CHAF1A: variants seen among roughly 807,000 people sequenced by gnomAD.
The protein encoded by CHAF1A is chromatin assembly factor 1 subunit A.
Under a neutral mutation model 93.2 loss-of-function variants are expected in CHAF1A, and 5 were observed. The observed-to-expected ratio is 0.05, with a 90% confidence interval of 0.03 to 0.11. The LOEUF is 0.11. CHAF1A is among the 10% of genes least tolerant of loss of function. The pLI, the probability that CHAF1A is intolerant of heterozygous loss-of-function variation, is 1.00. For missense variants in CHAF1A, 1,102 were observed against 1,259.9 expected, an observed-to-expected ratio of 0.87 and a Z score of 1.90; for synonymous variants, 504 against 510.3, an observed-to-expected ratio of 0.99 and a Z score of 0.17.
chr19:4,414,697 T>C (rs935476031), intron 3 of CHAF1A, among the ~76,000 whole-genome samples: 4 of 152,200 alleles, frequency 2.6e-5, no homozygotes, highest in African/African-American at 7.2e-5. Flanking sequence ...GTTACAGAGC[T>C]GTTTTCTCAG....
At chr19:4,448,460 C>A (rs1055614591), downstream of CHAF1A, 6 of 1,499,308 alleles carry the variant, frequency 4.0e-6, no homozygotes, top group Non-Finnish European at 5.5e-6. Flanking sequence ...AGAGCCCGGG[C>A]CGCACGGCCC....
chr19:4,412,873 G>A lies in CHAF1A; in HGVS notation c.960+3114G>A, dbSNP rs182863764. On this transcript the variant is annotated intron_variant, in intron 3 of 14. Coordinates refer to ENST00000301280, the MANE Select transcript of CHAF1A (RefSeq NM_005483.3). ...TGGCAGAAAGCGGCCACAACCACCC[G>A]CAGAGGGCCTGTCAGTCACCGAAGC... Among the ~76,000 whole-genome samples, 24 of 152,312 alleles carry A rather than the reference G, an allele frequency of 1.6e-4. 1 individual carries two copies. In the East Asian group the frequency reaches 2.1e-3, roughly 13 times the overall value.
downstream of CHAF1A, chr19:4,446,989 T>G (rs555755881): frequency 3.1e-5 from 46 of 1,496,638 alleles, no homozygotes; most frequent in South Asian, 5.1e-4. Flanking sequence ...CCCCACCCAG[T>G]CCAGGGGCCC....
chr19:4,433,291 G>A lies in CHAF1A; in HGVS notation c.2425G>A (p.Glu809Lys). 7 of 1,614,216 alleles carry A rather than the reference G, an allele frequency of 4.3e-6. No homozygotes were observed. Among genetic ancestry groups the A allele is most frequent in the South Asian group, 1.1e-5 (1 of 91,086 alleles). Reference protein sequence around the residue: ...KRLISENSVYEKRPDFRMCWY... With the variant: ...KRLISENSVYKKRPDFRMCWY... The stretch of plus-strand genomic sequence containing the variant: ...GCTCATTTCCGAGAACTCAGTGTAT[G>A]AGAAGCGGCCTGACTTCAGGATGTG... Residue 809 changes from glutamate (E) to lysine (K), a missense_variant, in exon 13 of 15, where the codon GAG (glutamate) becomes AAG (lysine). By Grantham distance (56) the Glu-to-Lys change is moderately conservative. Transcript: ENST00000301280. This position sits in a 1 kb window ranked among gnomAD's most constrained non-coding sequence, Gnocchi z 5.6.
downstream of CHAF1A, chr19:4,448,531 C>T: frequency 1.3e-6 from 1 of 797,040 alleles, no homozygotes; most frequent in South Asian, 1.6e-5. Flanking sequence ...GGAGCGGCCC[C>T]AGCTGTGCGC....
chr19:4,447,100 T>C, downstream of CHAF1A: 1 of 629,236 alleles, frequency 1.6e-6, no homozygotes, highest in Non-Finnish European at 2.8e-6. Context: ...GTGGGGGCTG[T>C]GGAGTCTCCA....
chr19:4,423,728 G>T, intron 6 of CHAF1A, 78 bp from the exon 7 acceptor site: 1 of 1,389,020 alleles, frequency 7.2e-7, no homozygotes. Flanking sequence ...GTTCGGTTCT[G>T]GGGGCCTTTG....
chr19:4,446,684 T>G (rs1213584931), downstream of CHAF1A: 20 of 1,611,236 alleles, frequency 1.2e-5, no homozygotes, highest in Non-Finnish European at 1.7e-5. Flanking sequence ...TGGGCCAAGG[T>G]GGTCTCGCTC....
chr19:4,444,701 A>C (rs192516175), downstream of CHAF1A: 121 of 152,550 alleles, frequency 7.9e-4, no homozygotes, highest in Non-Finnish European at 1.5e-3. Context: ...TGCAGGTTCC[A>C]GGAATAGGAT....
At chr19:4,428,982 C>A in intron 8 of CHAF1A, 92 bp downstream of exon 8, 1 of 1,022,020 alleles carries the variant, frequency 9.8e-7, no homozygotes, top group Non-Finnish European at 1.5e-6. Context: ...AGCTCTGGGT[C>A]CTTCTGTTGC....
intron 3 of CHAF1A, among the ~76,000 whole-genome samples, chr19:4,412,474 G>A (rs145350224): frequency 1.2e-3 from 179 of 152,308 alleles, no homozygotes; most frequent in Non-Finnish European, 2.0e-3. Context: ...AACCCAGGAG[G>A]CAGAGGTTGC....
chr19:4,428,039 G>C (rs934055619), intron 7 of CHAF1A, among the ~76,000 whole-genome samples: 1 of 141,978 alleles, frequency 7.0e-6, no homozygotes, highest in Non-Finnish European at 1.5e-5. Flanking sequence ...TTTGTTTTTA[G>C]TAGAGATGGG....
At chr19:4,408,448 T>A (rs1433452428) in intron 2 of CHAF1A, among the ~76,000 whole-genome samples, 1 of 127,308 alleles carries the variant, frequency 7.9e-6, no homozygotes, top group Non-Finnish European at 1.6e-5. Flanking sequence ...TGCCTTGGCC[T>A]CCCGCACCCG....
chr19:4,441,897 CA>C (rs910832960), intron 13 of CHAF1A, among the ~76,000 whole-genome samples: 11 of 150,144 alleles, frequency 7.3e-5, no homozygotes, highest in Admixed American at 7.3e-4. Flanking sequence ...GACTCCGTCT[CA>C]AAAAAAAATA....
intron 4 of CHAF1A, among the ~76,000 whole-genome samples, chr19:4,418,681 C>T (rs1168959074): frequency 6.6e-6 from 1 of 152,138 alleles, no homozygotes; most frequent in East Asian, 1.9e-4. Flanking sequence ...TCCCAGAGTG[C>T]TGGGATTACA....
chr19:4,424,136 AAG>A (rs1974039186), intron 7 of CHAF1A, among the ~76,000 whole-genome samples: 1 of 152,214 alleles, frequency 6.6e-6, no homozygotes, highest in African/African-American at 2.4e-5. Flanking sequence ...TGTTAGGCGT[AAG>A]AGAAATTCAC....
chr19:4,428,038 A>G (rs938547090), intron 7 of CHAF1A, among the ~76,000 whole-genome samples: 1 of 124,434 alleles, frequency 8.0e-6, no homozygotes, highest in Non-Finnish European at 1.7e-5. Flanking sequence ...TTTTGTTTTT[A>G]GTAGAGATGG....
In CHAF1A at chr19:4,443,394, C is replaced by T. The variant is rs1417538215; in HGVS notation, c.*369C>T. On this transcript the variant is annotated 3_prime_UTR_variant, in exon 15 of 15. Transcript: ENST00000301280. ...CAGTGTATAAACTTATTCTCTAGCC[C>T]TGAGCTGCTCTGTCTGTCTTTTCCG... 4.3e-6 allele frequency: 1 copy of T among 230,560 alleles called. No individual in the cohort carries two copies. Among genetic ancestry groups the T allele is most frequent in the Non-Finnish European group, 8.6e-6 (1 of 116,120 alleles). 14.3% of individuals were successfully genotyped at this position (230,560 alleles called of 1,614,324 possible).
At chr19:4,435,784 G>A (rs1431043777) in intron 13 of CHAF1A, among the ~76,000 whole-genome samples, 1 of 152,190 alleles carries the variant, frequency 6.6e-6, no homozygotes, top group Non-Finnish European at 1.5e-5. Context: ...AGAGACTTGG[G>A]ACAAGGAGCA....
Sources: gnomAD v4.1 joint callset for allele counts (sites outside exome capture counted in the v4.1 genomes callset) on GRCh38, gnomAD v4.1.1 for gene constraint, Gnocchi (gnomAD v3.1) non-coding constraint, MANE v1.5 for transcripts, NCBI Gene and HGNC (gene_info 2026-07-23, HGNC 2026-07-21) for gene names.